Variants in ARNT2 observed in about 807,000 individuals in gnomAD.
The protein encoded by ARNT2 is aryl hydrocarbon receptor nuclear translocator 2, also known as ARNT protein 2.
Under a neutral mutation model 91.7 loss-of-function variants are expected in ARNT2, and 36 were observed. That is an observed-to-expected ratio of 0.39 (90% CI 0.30 to 0.52). The LOEUF is 0.52. Ranked by LOEUF, ARNT2 falls within the 20% of genes least tolerant of loss-of-function variation. The pLI is 0.72. For missense variants in ARNT2, 775 were observed against 939.3 expected (o/e 0.83, Z 2.29); for synonymous variants, 365 against 347.1 (o/e 1.05, Z -0.57).
chr15:80,581,851 G>A (rs577201324), intron 17 of ARNT2, among the ~76,000 whole-genome samples: 49 of 152,312 alleles, frequency 3.2e-4, no homozygotes, highest in African/African-American at 1.2e-3. Context: ...CAAAACCTCA[G>A]GCCATAGAGG....
At chr15:80,579,576 T>C (rs182957718) in intron 15 of ARNT2, among the ~76,000 whole-genome samples, 1 of 152,256 alleles carries the variant, frequency 6.6e-6, no homozygotes, top group East Asian at 1.9e-4. Flanking sequence ...ACTTGACTGA[T>C]TCATGGGCAC....
chr15:80,549,819 C>T (rs1898051731), intron 8 of ARNT2, among the ~76,000 whole-genome samples: 1 of 152,176 alleles, frequency 6.6e-6, no homozygotes, highest in South Asian at 2.1e-4. Context: ...TATGCACTTA[C>T]CTTTTGACCC....
At chr15:80,441,448 G>A (rs1271107920) in intron 1 of ARNT2, 2 of 967,742 alleles carry the variant, frequency 2.1e-6, no homozygotes, top group Non-Finnish European at 1.2e-6. Context: ...ATTGAGAAGA[G>A]CGTTTTTCTT....
intron 5 of ARNT2, among the ~76,000 whole-genome samples, chr15:80,489,024 C>A (rs1311487485): frequency 6.6e-6 from 1 of 152,138 alleles, no homozygotes; most frequent in Non-Finnish European, 1.5e-5. Context: ...GATATAATTA[C>A]TTTGAGTTAC....
intron 1 of ARNT2, among the ~76,000 whole-genome samples, chr15:80,431,994 T>C (rs1368550541): frequency 6.6e-6 from 1 of 152,222 alleles, no homozygotes; most frequent in Non-Finnish European, 1.5e-5. Flanking sequence ...AGCTCAGGTA[T>C]GTCAGCCTAA....
At chr15:80,432,470 C>A (rs1896025165) in intron 1 of ARNT2, among the ~76,000 whole-genome samples, 1 of 152,164 alleles carries the variant, frequency 6.6e-6, no homozygotes, top group African/African-American at 2.4e-5. Context: ...ATTTGAAATT[C>A]AAATCTCAGT....
At chr15:80,513,743 T>C in intron 6 of ARNT2, among the ~76,000 whole-genome samples, 168 bp from the exon 7 acceptor site, 1 of 90,016 alleles carries the variant, frequency 1.1e-5, no homozygotes, top group Non-Finnish European at 2.4e-5. Flanking sequence ...AAAAAAAAAA[T>C]CAAAGGCATG....
At chr15:80,463,575 CTTTTTTTTTTT>C (rs11358638) in intron 3 of ARNT2, among the ~76,000 whole-genome samples, 2 of 113,188 alleles carry the variant, frequency 1.8e-5, no homozygotes, top group South Asian at 3.0e-4. Flanking sequence ...GGGTGATTTC[CTTTTTTTTTTT>C]TTTTTTTTTG....
intron 2 of ARNT2, 99 bp from the exon 3 acceptor site, chr15:80,457,830 A>G (rs1896501354): frequency 3.2e-6 from 4 of 1,265,042 alleles, no homozygotes; most frequent in East Asian, 4.7e-5. Context: ...AATGGATAGC[A>G]GTCCTAGTGA....
chr15:80,584,785 A>C (rs1363766931), intron 17 of ARNT2, among the ~76,000 whole-genome samples: 1 of 152,196 alleles, frequency 6.6e-6, no homozygotes, highest in Non-Finnish European at 1.5e-5. Flanking sequence ...ACCTGGCCTC[A>C]GTTCATTATC....
intron 1 of ARNT2, among the ~76,000 whole-genome samples, chr15:80,440,192 T>G (rs1472960290): frequency 1.3e-5 from 2 of 152,210 alleles, no homozygotes; most frequent in Non-Finnish European, 2.9e-5. Context: ...ACACACTTTC[T>G]TCTGATGGTC....
intron 1 of ARNT2, among the ~76,000 whole-genome samples, chr15:80,409,630 C>T (rs763088538): frequency 6.6e-6 from 1 of 152,216 alleles, no homozygotes; most frequent in Non-Finnish European, 1.5e-5. Context: ...CTCCTACCAT[C>T]ATGCTGCTTG....
intron 1 of ARNT2, among the ~76,000 whole-genome samples, chr15:80,447,162 A>C (rs915267893): frequency 1.1e-4 from 16 of 151,544 alleles, no homozygotes; most frequent in African/African-American, 1.9e-4. Flanking sequence ...ACACACACAC[A>C]CCCTTCCTCT....
chr15:80,580,863 C>T (rs1296514788), intron 16 of ARNT2, among the ~76,000 whole-genome samples: 1 of 152,214 alleles, frequency 6.6e-6, no homozygotes, highest in East Asian at 1.9e-4. Flanking sequence ...GCTGCCCCTG[C>T]GCCAGGAGGG....
At chr15:80,554,978 A>G in intron 10 of ARNT2, 87 bp from the exon 11 acceptor site, 1 of 1,407,582 alleles carries the variant, frequency 7.1e-7, no homozygotes, top group Non-Finnish European at 1.0e-6. Flanking sequence ...GTTAAAGGAG[A>G]TGGAAATGAA....
chr15:80,443,717 C>A (rs767755538), intron 1 of ARNT2, among the ~76,000 whole-genome samples: 12 of 152,080 alleles, frequency 7.9e-5, no homozygotes, highest in Non-Finnish European at 1.3e-4. Flanking sequence ...TCCTGGAAAA[C>A]CAGGCGAAAA....
rs189407464 is a variant in ARNT2 at position 80,586,927 on chromosome 15, A to G, written c.1919-4641A>G. Among the ~76,000 whole-genome samples, 305 of 152,284 alleles carry G rather than the reference A, an allele frequency of 2.0e-3. 2 individuals are homozygous for G. Among genetic ancestry groups the G allele is most frequent in the African/African-American group, 6.0e-3 (251 of 41,548 alleles). On this transcript the variant is annotated intron_variant, in intron 17 of 18. Transcript: ENST00000303329. The stretch of plus-strand genomic sequence containing the variant: ...AATTCAAAATAGGGGAACAGGGTAG[A>G]CTAAGCACAGGCAGGGAGCCAGTAG...
rs766358411 is a variant in ARNT2 at position 80,552,724 on chromosome 15, A to T, written c.1039A>T (p.Ile347Phe). 7.4e-6 allele frequency: 12 copies of T among 1,614,074 alleles called. No individual in the cohort carries two copies. Among genetic ancestry groups the T allele is most frequent in the Admixed American group, 3.3e-5 (2 of 60,010 alleles). Residue 347 changes from isoleucine to phenylalanine, a missense_variant, in exon 10 of 19, where the codon ATC becomes TTC. Ile to Phe is a conservative substitution (Grantham distance 21). Transcript: ENST00000303329. Reference protein sequence around the residue: ...FLSRHNSDGIITFVDPRCISV... With the variant: ...FLSRHNSDGIFTFVDPRCISV... ...ATCCCGGCATAACTCCGATGGAATC[A>T]TCACATTTGTGGATCCAAGATGTAT...
chr15:80,554,522 A>C (rs1490418912), intron 10 of ARNT2: 1 of 153,072 alleles, frequency 6.5e-6, no homozygotes, highest in Non-Finnish European at 1.5e-5. Flanking sequence ...GATCAGTTTC[A>C]TTGTGAAACA....
Sources: allele counts gnomAD v4.1 joint callset (sites outside exome capture counted in the v4.1 genomes callset), GRCh38; gene constraint gnomAD v4.1.1; transcripts MANE v1.5; gene names NCBI Gene and HGNC (gene_info 2026-07-23, HGNC 2026-07-21).